The following NRG1 variants were observed in gnomAD, a reference collection of about 807,000 sequenced individuals.
NRG1 encodes the protein pro-neuregulin-1, membrane-bound isoform.
NRG1 carries 18 observed loss-of-function variants against 63.8 expected under a neutral mutation model. The observed-to-expected ratio is 0.28, with a 90% CI of 0.19 to 0.42. The LOEUF (loss-of-function observed/expected upper bound fraction) is 0.42. Among genes scored for constraint, NRG1 ranks in the 10% least tolerant of loss-of-function variants. The pLI, the probability that NRG1 is intolerant of heterozygous loss-of-function variation, is 1.00. For missense variants in NRG1, 762 were observed against 814.7 expected (o/e 0.94, Z 0.79); for synonymous variants, 302 against 301.3 (o/e 1.00, Z -0.02).
At chr8:32,054,106 C>G (rs1448816941) in intron 1 of NRG1, among the ~76,000 whole-genome samples, 10 of 152,150 alleles carry the variant, frequency 6.6e-5, no homozygotes. Flanking sequence ...TAATCAGATA[C>G]AAAGAACTGT....
intron 1 of NRG1, among the ~76,000 whole-genome samples, chr8:32,530,395 C>T (rs948369201): frequency 3.3e-5 from 5 of 152,136 alleles, no homozygotes; most frequent in African/African-American, 9.7e-5. Context: ...GCGTGAGCCA[C>T]CGCGCCCAGC....
At chr8:32,100,547 T>C (rs1448251274) in intron 1 of NRG1, among the ~76,000 whole-genome samples, 1 of 151,794 alleles carries the variant, frequency 6.6e-6, no homozygotes, top group East Asian at 1.9e-4. Flanking sequence ...ACAATACTTT[T>C]TTTTTTTATA....
chr8:32,760,525 G>A (rs1564130936), intron 11 of NRG1, 119 bp downstream of exon 11: 1 of 1,502,012 alleles, frequency 6.7e-7, no homozygotes, highest in Non-Finnish European at 8.8e-7. Flanking sequence ...GCAGTTACCT[G>A]TTCTAGGAGT....
At chr8:32,312,784 CCCTTCCTT>C (rs143478834) in intron 1 of NRG1, among the ~76,000 whole-genome samples, 34,547 of 151,158 alleles carry the variant, frequency 0.23, 4,784 homozygotes, top group East Asian at 0.63. Context: ...CTCTCTCCTT[CCCTTCCTT>C]CCTTCCTTCC....
intron 1 of NRG1, among the ~76,000 whole-genome samples, chr8:31,854,979 G>A (rs1010861933): frequency 6.6e-6 from 1 of 152,160 alleles, no homozygotes; most frequent in African/African-American, 2.4e-5. Flanking sequence ...CTGAGAGATA[G>A]TTTGTTATAA....
At chr8:32,762,078 C>A (rs1589652780) in intron 11 of NRG1, among the ~76,000 whole-genome samples, 1 of 148,930 alleles carries the variant, frequency 6.7e-6, no homozygotes. Context: ...GACTTGCAAG[C>A]CTGTTGGTTA....
chr8:32,127,103 C>T (rs1359906129), intron 1 of NRG1, among the ~76,000 whole-genome samples: 1 of 151,882 alleles, frequency 6.6e-6, no homozygotes, highest in East Asian at 1.9e-4. Context: ...TTTCCTATCC[C>T]AGAGAGCAGG....
At chr8:31,878,061 G>A (rs1400534363) in intron 1 of NRG1, among the ~76,000 whole-genome samples, 9 of 152,112 alleles carry the variant, frequency 5.9e-5, no homozygotes, top group African/African-American at 2.2e-4. Context: ...TTCAGAAAAC[G>A]ACCTATCTAA....
In NRG1 at chr8:32,609,560, T is replaced by TTCCCTCCC. The variant is rs1347051268; in HGVS notation, c.400+3880_400+3881insCTCCCTCC. On this transcript the variant is annotated intron_variant, in intron 3 of 11. Transcript: ENST00000356819. ...AGAATTTCCTTCCCTCCCTCCTTCC[T>TTCCCTCCC]TCCTTCCTTCCTTCCTTCCTTCCTT... 1.5e-3 allele frequency among the ~76,000 whole-genome samples: 59 copies of TTCCCTCCC among 38,490 alleles called. 1 individual carries two copies. Among genetic ancestry groups the TTCCCTCCC allele is most frequent in the African/African-American group, 6.5e-3 (51 of 7,880 alleles). 25.3% of individuals were successfully genotyped at this position (38,490 alleles called of 152,430 possible).
chr8:32,642,105 G>A (rs909434037), intron 5 of NRG1, among the ~76,000 whole-genome samples: 2 of 152,142 alleles, frequency 1.3e-5, no homozygotes, highest in African/African-American at 4.8e-5. Context: ...ATTTGATAAG[G>A]AAGTATCTGA....
intron 3 of NRG1, among the ~76,000 whole-genome samples, chr8:32,606,372 A>C (rs1330883064): frequency 1.3e-5 from 2 of 151,980 alleles, no homozygotes; most frequent in African/African-American, 2.4e-5. Flanking sequence ...GAGGCAATAA[A>C]TTTCCTACTA....
At chr8:32,618,476 T>C (rs1847772253) in intron 5 of NRG1, among the ~76,000 whole-genome samples, 3 of 152,220 alleles carry the variant, frequency 2.0e-5, no homozygotes, top group Non-Finnish European at 4.4e-5. Context: ...CATTGCATTA[T>C]CACTGAGAGA....
chr8:32,405,730 G>C (rs546696508), intron 1 of NRG1, among the ~76,000 whole-genome samples: 70 of 152,136 alleles, frequency 4.6e-4, no homozygotes, highest in African/African-American at 1.5e-3. Flanking sequence ...ACAATCATGA[G>C]TATTTTACCA....
intron 1 of NRG1, among the ~76,000 whole-genome samples, chr8:32,323,836 C>T (rs1801693397): frequency 6.6e-6 from 1 of 152,184 alleles, no homozygotes; most frequent in African/African-American, 2.4e-5. Flanking sequence ...AGAGATGCCT[C>T]TGAATGAGCC....
intron 1 of NRG1, among the ~76,000 whole-genome samples, chr8:32,165,628 A>G (rs1839318645): frequency 6.6e-6 from 1 of 152,196 alleles, no homozygotes; most frequent in African/African-American, 2.4e-5. Flanking sequence ...GAATCAAGGA[A>G]GCAATCACAA....
At chr8:32,557,006 T>G (rs1315223690) in intron 1 of NRG1, among the ~76,000 whole-genome samples, 1 of 152,104 alleles carries the variant, frequency 6.6e-6, no homozygotes, top group Non-Finnish European at 1.5e-5. Context: ...TTTTGTTTTT[T>G]GGTTTTTGGT....
At chr8:32,422,054 T>C in intron 1 of NRG1, among the ~76,000 whole-genome samples, 1 of 152,162 alleles carries the variant, frequency 6.6e-6, no homozygotes, top group Non-Finnish European at 1.5e-5. Flanking sequence ...ATTATGTGGA[T>C]GATGATTTCA....
intron 1 of NRG1, among the ~76,000 whole-genome samples, chr8:32,552,871 C>T (rs549849573): frequency 6.6e-6 from 1 of 152,242 alleles, no homozygotes; most frequent in African/African-American, 2.4e-5. Context: ...CAAACATGAA[C>T]ACTGAATACC....
At chr8:31,904,093 C>T (rs1167926168) in intron 1 of NRG1, among the ~76,000 whole-genome samples, 1 of 152,160 alleles carries the variant, frequency 6.6e-6, no homozygotes, top group Admixed American at 6.5e-5. Context: ...TCACACGTAG[C>T]TCCAAATGTG....
Sources: allele counts gnomAD v4.1 joint callset (sites outside exome capture counted in the v4.1 genomes callset), GRCh38; gene constraint gnomAD v4.1.1; transcripts MANE v1.5; gene names NCBI Gene and HGNC (gene_info 2026-07-23, HGNC 2026-07-21).